Variants in CAST observed in about 807,000 individuals in gnomAD.
CAST encodes MIR583 host.
Under a neutral mutation model 119.6 loss-of-function variants are expected in CAST, and 76 were observed. That is an observed-to-expected ratio of 0.64 (90% CI 0.53 to 0.77). The LOEUF is 0.77. CAST is among the 30% of genes least tolerant of loss of function. The pLI is 0.00. For synonymous variants in CAST, 319 were observed against 331.6 expected (o/e 0.96, Z 0.41); for missense variants, 953 against 946.5 (o/e 1.01, Z -0.09).
At chr5:96,170,171 A>G in the CAST span, among the ~76,000 whole-genome samples, 3 of 152,144 alleles carry the variant, frequency 2.0e-5, no homozygotes, top group African/African-American at 7.2e-5. Flanking sequence ...AAGCCGAGTA[A>G]ATCTGGGAAG....
At chr5:96,308,897 C>T in the CAST span, 1 of 152,404 alleles carries the variant, frequency 6.6e-6, no homozygotes, top group African/African-American at 2.4e-5. Context: ...GTGTCGGCCC[C>T]TACTGAGAGG....
At chr5:96,234,917 A>G in the CAST span, among the ~76,000 whole-genome samples, 3 of 152,190 alleles carry the variant, frequency 2.0e-5, no homozygotes, top group African/African-American at 4.8e-5. Context: ...GTGAGTTTTG[A>G]TATGTGTGTA....
the CAST span, among the ~76,000 whole-genome samples, chr5:96,298,264 C>T: frequency 6.6e-6 from 1 of 152,202 alleles, no homozygotes; most frequent in Non-Finnish European, 1.5e-5. Flanking sequence ...TCTTTCTCCT[C>T]TTTTGACTTT....
At chr5:96,707,240 C>G (rs1755171274) in intron 3 of CAST, among the ~76,000 whole-genome samples, 1 of 152,158 alleles carries the variant, frequency 6.6e-6, no homozygotes. Flanking sequence ...GTTGCTTGGT[C>G]TGTTTTGTTG....
At chr5:96,573,930 T>A (rs988850641) in intron 1 of CAST, among the ~76,000 whole-genome samples, 18 of 152,208 alleles carry the variant, frequency 1.2e-4, no homozygotes, top group Admixed American at 3.9e-4. Flanking sequence ...TCTTCTATGA[T>A]TTGTCTTCAG....
At chr5:96,579,887 T>C (rs1055252516) in intron 1 of CAST, among the ~76,000 whole-genome samples, 1 of 152,222 alleles carries the variant, frequency 6.6e-6, no homozygotes, top group Non-Finnish European at 1.5e-5. Flanking sequence ...CTAGTCATCA[T>C]TGCAGTAATG....
the CAST span, among the ~76,000 whole-genome samples, chr5:96,287,382 T>C: frequency 6.6e-6 from 1 of 152,166 alleles, no homozygotes. Context: ...CAAAGAGTCA[T>C]TTCCATGACA....
At chr5:96,423,996 G>T in the CAST span, among the ~76,000 whole-genome samples, 1 of 152,314 alleles carries the variant, frequency 6.6e-6, no homozygotes, top group East Asian at 1.9e-4. Context: ...TTAAGTATGA[G>T]TGATTTAGGG....
chr5:96,112,175 T>C, the CAST span, among the ~76,000 whole-genome samples: 31 of 152,068 alleles, frequency 2.0e-4, 1 homozygote, highest in South Asian at 8.3e-4. Flanking sequence ...TCAATAATAA[T>C]ATGTTAATAT....
At chr5:96,535,542 T>C (rs1260690928) in intron 1 of CAST, among the ~76,000 whole-genome samples, 4 of 151,440 alleles carry the variant, frequency 2.6e-5, no homozygotes, top group Non-Finnish European at 4.4e-5. Context: ...TCAGCTAAAT[T>C]TGAGTTTTAT....
intron 2 of CAST, among the ~76,000 whole-genome samples, chr5:96,686,475 TG>T (rs1477646298): frequency 6.6e-6 from 1 of 151,932 alleles, no homozygotes; most frequent in African/African-American, 2.4e-5. Flanking sequence ...GTCATCAGTG[TG>T]GGGGGTGCAG....
the CAST span, among the ~76,000 whole-genome samples, chr5:96,268,576 A>G: frequency 6.6e-6 from 1 of 152,182 alleles, no homozygotes; most frequent in African/African-American, 2.4e-5. Flanking sequence ...AGCCTGGGCA[A>G]CAGAGCAAGA....
chr5:96,488,475 C>CA, the CAST span, among the ~76,000 whole-genome samples: 1 of 152,182 alleles, frequency 6.6e-6, no homozygotes, highest in South Asian at 2.1e-4. Flanking sequence ...TGCAAAACTT[C>CA]AAAATAGTGA....
At chr5:96,556,639 TGAGAA>T (rs1746246703) in intron 1 of CAST, among the ~76,000 whole-genome samples, 1 of 151,834 alleles carries the variant, frequency 6.6e-6, no homozygotes, top group Admixed American at 6.6e-5. Context: ...TGAAATGAAG[TGAGAA>T]GAGAAGTTTA....
chr5:96,483,757 C>T, the CAST span, among the ~76,000 whole-genome samples: 2 of 152,064 alleles, frequency 1.3e-5, no homozygotes, highest in Non-Finnish European at 2.9e-5. Context: ...TATAAAATAG[C>T]TCTATCTTGA....
the CAST span, among the ~76,000 whole-genome samples, chr5:96,198,632 AT>A: frequency 2.0e-5 from 3 of 151,862 alleles, no homozygotes; most frequent in Non-Finnish European, 4.4e-5. Flanking sequence ...TCTTTATATG[AT>A]TTTTTTCTAA....
the CAST span, among the ~76,000 whole-genome samples, chr5:96,151,632 G>T: frequency 2.9e-4 from 44 of 152,286 alleles, no homozygotes; most frequent in African/African-American, 9.6e-4. Context: ...AAGTTCTTGG[G>T]GAGAGTTAGG....
chr5:96,308,199 A>C, the CAST span, among the ~76,000 whole-genome samples: 1 of 151,562 alleles, frequency 6.6e-6, no homozygotes, highest in East Asian at 2.0e-4. Context: ...TATTTCATTG[A>C]GTTGATCTTC....
intron 3 of CAST, among the ~76,000 whole-genome samples, chr5:96,705,301 G>A (rs757695656): frequency 5.9e-5 from 9 of 151,480 alleles, no homozygotes; most frequent in African/African-American, 1.2e-4. Flanking sequence ...CTGACACAGC[G>A]ATGAGACTCT....
Sources: gnomAD v4.1 joint callset for allele counts (sites outside exome capture counted in the v4.1 genomes callset) on GRCh38, gnomAD v4.1.1 for gene constraint, MANE v1.5 for transcripts, NCBI Gene and HGNC (gene_info 2026-07-23, HGNC 2026-07-21) for gene names.